Variants in NXPH1 observed in about 807,000 individuals in gnomAD.
NXPH1 encodes the protein neurexophilin-1.
In NXPH1, 5 loss-of-function variants were observed where a neutral mutation model predicts 23.7. That is an observed-to-expected ratio of 0.21 (90% CI 0.11 to 0.44). NXPH1 has a LOEUF of 0.44. Among genes scored for constraint, NXPH1 ranks in the 20% least tolerant of loss-of-function variants. The pLI is 0.99. For synonymous variants in NXPH1, 144 were observed against 122.2 expected, an observed-to-expected ratio of 1.18 and a Z score of -1.18; for missense variants, 324 against 321.6, an observed-to-expected ratio of 1.01 and a Z score of -0.06.
Position 8,719,338 on chromosome 7 carries a change from G to T in NXPH1, c.55-31670G>T, listed in dbSNP as rs1336396615. ...AAGAGCTGATGATGGCTCCAGGCCA[G>T]CAAAGGTGTCATTGACATAATAGAA... is the stretch of plus-strand genomic sequence containing the variant. On this transcript the variant is annotated intron_variant, in intron 2 of 2. Transcript: ENST00000405863. 2.0e-5 allele frequency among the ~76,000 whole-genome samples: 3 copies of T among 152,272 alleles called. No homozygotes were observed. The East Asian group carries it at 5.8e-4, about 29-fold the overall frequency.
At chr7:8,527,467 C>A (rs1000631716) in intron 2 of NXPH1, among the ~76,000 whole-genome samples, 1 of 152,130 alleles carries the variant, frequency 6.6e-6, no homozygotes, top group Admixed American at 6.5e-5. Context: ...TAACATGGCT[C>A]CTCCTTAAAA....
At chr7:8,463,253 T>G (rs1816724309) in intron 2 of NXPH1, among the ~76,000 whole-genome samples, 1 of 152,102 alleles carries the variant, frequency 6.6e-6, no homozygotes. Flanking sequence ...CTTTTTCACT[T>G]ACCGTCTTGG....
At chr7:8,524,454 A>AT (rs765641079) in intron 2 of NXPH1, among the ~76,000 whole-genome samples, 19 of 151,906 alleles carry the variant, frequency 1.3e-4, no homozygotes, top group Non-Finnish European at 2.5e-4. Flanking sequence ...CAGCTGTCCC[A>AT]TTTTTTCCTT....
intron 2 of NXPH1, among the ~76,000 whole-genome samples, chr7:8,639,472 A>T (rs1820272513): frequency 1.3e-5 from 2 of 152,190 alleles, no homozygotes; most frequent in African/African-American, 4.8e-5. Context: ...AGAAAAAAAA[A>T]AGGCTGTTTC....
At chr7:8,679,204 C>A (rs966320288) in intron 2 of NXPH1, among the ~76,000 whole-genome samples, 2 of 152,010 alleles carry the variant, frequency 1.3e-5, no homozygotes, top group African/African-American at 4.8e-5. Flanking sequence ...ACCTCGGCCT[C>A]CCAAAGTGCT....
intron 2 of NXPH1, among the ~76,000 whole-genome samples, chr7:8,660,886 T>C (rs1268463704): frequency 1.3e-5 from 2 of 152,100 alleles, no homozygotes; most frequent in Non-Finnish European, 2.9e-5. Flanking sequence ...AGTCTAAAAA[T>C]GGTTAATTTC....
chr7:8,563,023 T>C (rs1475461401), intron 2 of NXPH1, among the ~76,000 whole-genome samples: 1 of 151,748 alleles, frequency 6.6e-6, no homozygotes, highest in Non-Finnish European at 1.5e-5. Flanking sequence ...TTCTAACCTA[T>C]AAGCATATAC....
intron 2 of NXPH1, among the ~76,000 whole-genome samples, chr7:8,482,304 T>C (rs1817087267): frequency 6.6e-6 from 1 of 152,134 alleles, no homozygotes; most frequent in Non-Finnish European, 1.5e-5. Context: ...GTGAATGAAA[T>C]GAGGGTGGCT....
chr7:8,577,507 A>G (rs1296020293), intron 2 of NXPH1, among the ~76,000 whole-genome samples: 6 of 152,120 alleles, frequency 3.9e-5, no homozygotes, highest in Admixed American at 6.5e-5. Flanking sequence ...AAAAACTACC[A>G]TTTGTTCCTT....
At position 8,516,086 on chromosome 7, in the gene NXPH1, C is replaced by T. The variant is rs74399521; in HGVS notation, c.54+80319C>T. On this transcript the variant is annotated intron_variant, in intron 2 of 2. Transcript: ENST00000405863. ...AACACCATAGGCTATTATTCAAATC[C>T]TGCTTGCTTAAGTCTTGGACATCTT... is the stretch of plus-strand genomic sequence containing the variant. Among the ~76,000 whole-genome samples, 164 of 152,220 alleles carry T rather than the reference C, an allele frequency of 1.1e-3. 1 individual carries two copies. The highest frequency in any genetic ancestry group is 3.6e-3 in the African/African-American group (150 of 41,558).
intron 2 of NXPH1, among the ~76,000 whole-genome samples, chr7:8,504,520 G>T (rs1817490136): frequency 6.6e-6 from 1 of 151,998 alleles, no homozygotes; most frequent in Non-Finnish European, 1.5e-5. Context: ...AGAAACTGCA[G>T]CCACTCAGGA....
At chr7:8,591,797 T>G (rs574832715) in intron 2 of NXPH1, among the ~76,000 whole-genome samples, 26 of 151,988 alleles carry the variant, frequency 1.7e-4, no homozygotes, top group African/African-American at 5.8e-4. Flanking sequence ...TAATGAACAC[T>G]GTATTTGCTG....
chr7:8,713,153 T>G (rs1217928267), intron 2 of NXPH1, among the ~76,000 whole-genome samples: 3 of 152,122 alleles, frequency 2.0e-5, no homozygotes, highest in Non-Finnish European at 4.4e-5. Context: ...TTTTGTCTCC[T>G]CTGACTGTAT....
chr7:8,703,192 C>G (rs1779654367), intron 2 of NXPH1, among the ~76,000 whole-genome samples: 1 of 152,092 alleles, frequency 6.6e-6, no homozygotes, highest in Non-Finnish European at 1.5e-5. Flanking sequence ...AAAGCAGTGC[C>G]TCTTCTCAGA....
chr7:8,687,889 AT>A lies in NXPH1; in HGVS notation c.55-63118del, dbSNP rs552862978. 1.8e-3 allele frequency among the ~76,000 whole-genome samples: 270 copies of A among 152,294 alleles called. 2 individuals carry two copies. Among genetic ancestry groups the A allele is most frequent in the Middle Eastern group, 0.014 (4 of 294 alleles). Reference sequence around the variant, plus strand: ...TAACAAAAATGTTATTTTATTTTTAATATATTTGAAAATCAGGACTATCAGG... The same window carrying A: ...TAACAAAAATGTTATTTTATTTTTAAATATTTGAAAATCAGGACTATCAGG... On this transcript the variant is annotated intron_variant, in intron 2 of 2. Transcript: ENST00000405863.
At chr7:8,614,167 C>T (rs555232998) in intron 2 of NXPH1, among the ~76,000 whole-genome samples, 13 of 151,894 alleles carry the variant, frequency 8.6e-5, no homozygotes, top group African/African-American at 1.7e-4. Context: ...TTTATTGACT[C>T]GTCTCCCTTT....
chr7:8,602,626 A>G (rs1647040810), intron 2 of NXPH1, among the ~76,000 whole-genome samples: 1 of 152,120 alleles, frequency 6.6e-6, no homozygotes, highest in Non-Finnish European at 1.5e-5. Context: ...CCTTAACTCC[A>G]TGTTTACATA....
chr7:8,470,384 G>A (rs904207917), intron 2 of NXPH1, among the ~76,000 whole-genome samples: 6 of 152,124 alleles, frequency 3.9e-5, no homozygotes, highest in African/African-American at 9.6e-5. Context: ...TCTTGAAGAC[G>A]CCTGAATTTT....
At chr7:8,462,867 A>G (rs1816718327) in intron 2 of NXPH1, among the ~76,000 whole-genome samples, 1 of 152,194 alleles carries the variant, frequency 6.6e-6, no homozygotes, top group Non-Finnish European at 1.5e-5. Context: ...CTTTGGATAA[A>G]TTGCTAAAAG....
Sources: allele counts gnomAD v4.1 joint callset (sites outside exome capture counted in the v4.1 genomes callset), GRCh38; gene constraint gnomAD v4.1.1; transcripts MANE v1.5; gene names NCBI Gene and HGNC (gene_info 2026-07-23, HGNC 2026-07-21).